The following WDR11 variants were observed in gnomAD, a reference collection of about 807,000 sequenced individuals.
WDR11 encodes WD repeat-containing protein 11.
WDR11 carries 83 observed loss-of-function variants against 151.2 expected under a neutral mutation model. The observed-to-expected ratio is 0.55, with a 90% CI of 0.46 to 0.66. WDR11 has a LOEUF of 0.66. WDR11 is among the 30% of genes least tolerant of loss of function. WDR11 has a pLI of 0.00. For synonymous variants in WDR11, 484 were observed against 533.1 expected (o/e 0.91, Z 1.27); for missense variants, 1,301 against 1,480.9 (o/e 0.88, Z 1.99).
intron 28 of WDR11, chr10:120,907,408 T>C (rs1182568699): frequency 1.9e-5 from 3 of 159,934 alleles, no homozygotes; most frequent in Non-Finnish European, 4.2e-5. Context: ...TTGAGCAACA[T>C]TGGTTTCTTT....
chr10:120,851,689 T>A (rs181482345), intron 1 of WDR11, 183 bp downstream of exon 1: 1 of 674,280 alleles, frequency 1.5e-6, no homozygotes, highest in Non-Finnish European at 2.6e-6. Context: ...AATAGCCCCG[T>A]GTGGGAAATT....
chr10:120,900,157 T>C lies in WDR11; in HGVS notation c.2624+20T>C. ...TCATGTGTAAGTTTTTCACTTTTCT[T>C]TTTCTTTCATAATTTACTTGGGGTT... On this transcript the variant is annotated intron_variant, in intron 20 of 28. Coordinates refer to ENST00000263461, the MANE Select transcript of WDR11 (RefSeq NM_018117.12). 6.3e-7 allele frequency: 1 copy of C among 1,592,758 alleles called. No homozygotes were observed. The highest frequency in any genetic ancestry group is 2.2e-5 in the East Asian group (1 of 44,778).
intron 20 of WDR11, among the ~76,000 whole-genome samples, chr10:120,900,543 AT>A (rs1354891279): frequency 2.0e-5 from 3 of 152,240 alleles, no homozygotes; most frequent in Non-Finnish European, 4.4e-5. Flanking sequence ...TTGCAAAAAA[AT>A]ATTCACAGAA....
Position 120,851,434 on chromosome 10 carries a change from C to G in WDR11, c.14C>G (p.Thr5Arg), listed in dbSNP as rs944540551. 1 of 1,611,758 alleles carries G rather than the reference C, an allele frequency of 6.2e-7. No homozygotes were observed. Among genetic ancestry groups the G allele is most frequent in the African/African-American group, 1.3e-5 (1 of 75,054 alleles). The change falls in exon 1 of 29, where the codon ACA becomes AGA. Residue 5 changes from threonine (T) to arginine (R), a missense_variant. Thr to Arg is a moderately conservative substitution (Grantham distance 71). This residue lies in a region of WDR11 where 692 missense variants were observed against 762.5 expected (regional missense o/e 0.91). Transcript: ENST00000263461. Reference protein sequence around the residue: MLPYTVNFKVSARTL... With the variant: MLPYRVNFKVSARTL... Reference sequence around the variant, plus strand: ...CTGGCCGCCGGGATGTTGCCCTACACAGTGAACTTCAAGGTGTCGGCGCGC... The same window carrying G: ...CTGGCCGCCGGGATGTTGCCCTACAGAGTGAACTTCAAGGTGTCGGCGCGC...
intron 17 of WDR11, 54 bp downstream of exon 17, chr10:120,889,238 T>C: frequency 7.9e-7 from 1 of 1,267,252 alleles, no homozygotes; most frequent in Admixed American, 1.7e-5. Flanking sequence ...AAATGAAATC[T>C]TTTTGTTTTG....
rs748240051 is a variant in WDR11, at chr10:120,889,133, G to C, written c.2177G>C (p.Gly726Ala). ...IAWKGDTLVL[G>A]DMDGNLNFWD... The stretch of plus-strand genomic sequence containing the variant: ...TGGAAAGGTGATACATTAGTGCTTG[G>C]AGATATGGATGGAAATTTAAATTTC... Residue 726 changes from glycine to alanine, a missense_variant, in exon 17 of 29, where the codon GGA becomes GCA. Physicochemically the swap from Gly to Ala is moderately conservative, Grantham distance 60. Transcript: ENST00000263461. The C allele has an allele frequency of 1.2e-6, 2 of 1,613,916 alleles. No individual in the cohort carries two copies. The highest frequency in any genetic ancestry group is 1.7e-5 in the Admixed American group (1 of 60,004).
At chr10:120,886,407 G>A (rs558919599) in intron 15 of WDR11, among the ~76,000 whole-genome samples, 2 of 152,218 alleles carry the variant, frequency 1.3e-5, no homozygotes, top group Admixed American at 6.5e-5. Flanking sequence ...CTTCTGTTGA[G>A]CACAGTTCTA....
rs1290513383 is a variant in WDR11 at position 120,852,590 on chromosome 10, C to G, written c.153C>G (p.Ala51=). 6.2e-7 allele frequency: 1 copy of G among 1,613,934 alleles called. No homozygotes were observed. The highest frequency in any genetic ancestry group is 8.5e-7 in the Non-Finnish European group (1 of 1,179,966). The change falls in exon 2 of 29, where the codon GCC becomes GCG. Residue 51 remains alanine (A), a synonymous_variant. Coordinates refer to ENST00000263461, the MANE Select transcript of WDR11 (RefSeq NM_018117.12). ...TGGTAGTGATTGATTCCATTACTGCCCAAACTCTTCAAGTTTTAGAAAAGC... is the reference window on the plus strand; with the variant it reads ...TGGTAGTGATTGATTCCATTACTGCGCAAACTCTTCAAGTTTTAGAAAAGC... ...SLVVVIDSIT[A]QTLQVLEKHK... is the part of the protein sequence containing the mutation.
At chr10:120,851,787 T>G in intron 1 of WDR11, 2 of 538,036 alleles carry the variant, frequency 3.7e-6, no homozygotes, top group South Asian at 4.1e-5. Context: ...CATTCCTCTC[T>G]CTTTTCCTCT....
In WDR11 at chr10:120,886,536, A is replaced by G. The variant is rs1366097166; in HGVS notation, c.1974-153A>G. On this transcript the variant is annotated intron_variant, in intron 15 of 28. Coordinates refer to ENST00000263461, the MANE Select transcript of WDR11 (RefSeq NM_018117.12). ...GTTAAGGAGTGATTCATGTTTACCC[A>G]TAATTAGCTGGGCAAATATTAGTTT... Among the ~76,000 whole-genome samples, 4 of 152,292 alleles carry G rather than the reference A, an allele frequency of 2.6e-5. No individual in the cohort carries two copies. The East Asian group carries it at 7.7e-4, about 29-fold the overall frequency.
At chr10:120,905,515 C>A in intron 26 of WDR11, 99 bp downstream of exon 26, 1 of 1,285,450 alleles carries the variant, frequency 7.8e-7, no homozygotes, top group Non-Finnish European at 1.1e-6. Flanking sequence ...TTTTGGCCTG[C>A]AAAGCTGCTT....
chr10:120,864,997 G>T (rs1248110721), intron 5 of WDR11, 50 bp from the exon 6 acceptor site: 5 of 1,580,142 alleles, frequency 3.2e-6, no homozygotes, highest in Non-Finnish European at 4.3e-6. Context: ...CTTTTATTAG[G>T]TCTGATATAA....
At chr10:120,876,953 A>G (rs1846814733) in intron 11 of WDR11, among the ~76,000 whole-genome samples, 1 of 152,220 alleles carries the variant, frequency 6.6e-6, no homozygotes, top group Non-Finnish European at 1.5e-5. Flanking sequence ...CTCCTGCTAA[A>G]ATACGCACAT....
intron 12 of WDR11, chr10:120,879,125 T>C (rs1288265146): frequency 1.3e-5 from 2 of 152,226 alleles, no homozygotes; most frequent in Non-Finnish European, 2.9e-5. Context: ...TTTAAAATGG[T>C]ATAGCAACAC....
At chr10:120,870,121 A>G (rs981843651) in intron 9 of WDR11, among the ~76,000 whole-genome samples, 1 of 152,068 alleles carries the variant, frequency 6.6e-6, no homozygotes, top group Non-Finnish European at 1.5e-5. Context: ...ATGTAGAGAG[A>G]TTGATATTGA....
rs1169792444 is a variant in WDR11, at chr10:120,874,192, TGTTGTTG to T, written c.1556+270_1556+276del. 7.0e-3 allele frequency among the ~76,000 whole-genome samples: 820 copies of T among 117,466 alleles called. 80 individuals carry two copies. Among genetic ancestry groups the T allele is most frequent in the East Asian group, 0.016 (63 of 3,932 alleles). 77.1% of individuals were successfully genotyped at this position (117,466 alleles called of 152,430 possible). On this transcript the variant is annotated intron_variant, in intron 11 of 28. Coordinates refer to ENST00000263461, the MANE Select transcript of WDR11 (RefSeq NM_018117.12). ...GTTTTTGCAGTTTTTTTTTTTTTTT[TGTTGTTG>T]TTGTTGTTGTTTGTTTTGTTTTGTT...
chr10:120,856,281 T>G (rs1416289102), intron 2 of WDR11, among the ~76,000 whole-genome samples: 1 of 152,042 alleles, frequency 6.6e-6, no homozygotes, highest in African/African-American at 2.4e-5. Context: ...ACTTTACAAA[T>G]ATCATTCCAT....
At chr10:120,899,770 G>A (rs1311648771) in intron 19 of WDR11, 7 of 460,418 alleles carry the variant, frequency 1.5e-5, no homozygotes, top group South Asian at 9.2e-5. Flanking sequence ...GTGACAGAGC[G>A]AGGCTTTGTC....
intron 26 of WDR11, 175 bp from the exon 27 acceptor site, chr10:120,905,701 C>T (rs1048754654): frequency 4.2e-6 from 5 of 1,190,930 alleles, no homozygotes; most frequent in Non-Finnish European, 6.0e-6. Flanking sequence ...GCCCTGGGTC[C>T]CGTAGGCACA....
Sources: allele counts gnomAD v4.1 joint callset (sites outside exome capture counted in the v4.1 genomes callset), GRCh38; gene constraint gnomAD v4.1.1; regional missense constraint gnomAD v4.1.1; transcripts MANE v1.5; gene names NCBI Gene and HGNC (gene_info 2026-07-23, HGNC 2026-07-21).